IKZF2: variants seen among roughly 807,000 people sequenced by gnomAD.
The protein encoded by IKZF2 is zinc finger protein Helios.
In IKZF2, 15 loss-of-function variants were observed where a neutral mutation model predicts 49.2. That is an observed-to-expected ratio of 0.30 (90% CI 0.20 to 0.47). The LOEUF (loss-of-function observed/expected upper bound fraction) is 0.47, where lower values mean the gene tolerates loss of function less well. IKZF2 is among the 20% of genes least tolerant of loss of function. The pLI is 1.00. For synonymous variants in IKZF2, 227 were observed against 221.4 expected (o/e 1.03, Z -0.23); for missense variants, 567 against 664.6 (o/e 0.85, Z 1.61).
Position 213,077,732 on chromosome 2 carries a change from C to T in IKZF2, c.140-20633G>A, listed in dbSNP as rs187283061. ...CCTCCCAAGTAGCTGGGACTACAGG[C>T]GCCCGCCACCATGTCCGGCTAATTT... On this transcript the variant is annotated intron_variant, in intron 4 of 8. Transcript: ENST00000434687. Among the ~76,000 whole-genome samples the T allele has an allele frequency of 9.9e-3, 1,499 of 151,620 alleles. 25 individuals carry two copies. Among genetic ancestry groups the T allele is most frequent in the African/African-American group, 0.034 (1,423 of 41,348 alleles).
intron 6 of IKZF2, among the ~76,000 whole-genome samples, chr2:213,043,168 G>A (rs1699827913): frequency 7.1e-6 from 1 of 139,996 alleles, no homozygotes; most frequent in South Asian, 2.4e-4. Context: ...CAGGGATCAT[G>A]CAAGGTAAAT....
chr2:213,091,903 T>C (rs1191344589), intron 4 of IKZF2, among the ~76,000 whole-genome samples: 4 of 149,822 alleles, frequency 2.7e-5, no homozygotes, highest in African/African-American at 7.4e-5. Context: ...TGTGTGTGCG[T>C]GTGTGTGTGT....
At chr2:213,065,697 A>G (rs1012356242) in intron 4 of IKZF2, among the ~76,000 whole-genome samples, 3 of 152,102 alleles carry the variant, frequency 2.0e-5, no homozygotes, top group Non-Finnish European at 4.4e-5. Flanking sequence ...CTGAAGCTTA[A>G]AATCAGTGAA....
Position 213,002,304 on chromosome 2 carries a change from A to G in IKZF2, c.*5056T>C, listed in dbSNP as rs558234429. The G allele has an allele frequency of 6.6e-6, 1 of 151,692 alleles. No individual in the cohort carries two copies. Among genetic ancestry groups the G allele is most frequent in the Non-Finnish European group, 1.5e-5 (1 of 67,564 alleles). The allele number at this position is 151,692 out of a possible 1,614,324, so 9.4% of individuals were successfully genotyped here. On this transcript the variant is annotated 3_prime_UTR_variant, in exon 9 of 9. Coordinates refer to ENST00000434687, the MANE Select transcript of IKZF2 (RefSeq NM_001387220.1). The stretch of plus-strand genomic sequence containing the variant: ...GTTATGGGAGGAAAGCCCCATAAAC[A>G]GAATTATGAACTTATTCCTAAGAGT...
chr2:213,150,457 CT>C, intron 1 of IKZF2: 2 of 214,660 alleles, frequency 9.3e-6, no homozygotes, highest in South Asian at 6.7e-5. Context: ...GAACACCCCC[CT>C]CCTCCTCCTC....
intron 4 of IKZF2, among the ~76,000 whole-genome samples, chr2:213,061,024 T>G: frequency 6.6e-6 from 1 of 151,598 alleles, no homozygotes; most frequent in Admixed American, 6.6e-5. Flanking sequence ...TTCTTCTTTA[T>G]GCTTTCAAAA....
chr2:213,017,653 T>C (rs1398285534), intron 7 of IKZF2, among the ~76,000 whole-genome samples: 2 of 152,152 alleles, frequency 1.3e-5, no homozygotes, highest in African/African-American at 2.4e-5. Flanking sequence ...GTTGTTCACA[T>C]ATGTTGTTCT....
intron 4 of IKZF2, among the ~76,000 whole-genome samples, chr2:213,135,344 A>G (rs2060618526): frequency 6.6e-6 from 1 of 152,206 alleles, no homozygotes; most frequent in Admixed American, 6.5e-5. Context: ...ATGAATGAAT[A>G]TTACTCATAA....
chr2:213,142,220 G>A (rs1287101937), intron 4 of IKZF2, among the ~76,000 whole-genome samples: 2 of 151,860 alleles, frequency 1.3e-5, no homozygotes, highest in Non-Finnish European at 2.9e-5. Context: ...GGAATGTTGA[G>A]CGCCACCCCC....
At chr2:213,110,956 C>T (rs1332816712) in intron 4 of IKZF2, among the ~76,000 whole-genome samples, 1 of 151,914 alleles carries the variant, frequency 6.6e-6, no homozygotes, top group Non-Finnish European at 1.5e-5. Flanking sequence ...AATAATTTAA[C>T]CAAATTTCTA....
chr2:213,150,391 AG>A (rs2061240041), intron 1 of IKZF2, 144 bp from the exon 2 acceptor site: 1 of 303,240 alleles, frequency 3.3e-6, no homozygotes, highest in Admixed American at 4.1e-5. Flanking sequence ...GGTCATTCCA[AG>A]CCCAAATCCA....
chr2:213,109,309 T>C (rs1351028190), intron 4 of IKZF2, among the ~76,000 whole-genome samples: 1 of 151,968 alleles, frequency 6.6e-6, no homozygotes, highest in Non-Finnish European at 1.5e-5. Context: ...AATCAAATCT[T>C]ACAGGTAGTG....
At chr2:213,141,035 TA>T (rs1461607373) in intron 4 of IKZF2, among the ~76,000 whole-genome samples, 1 of 151,984 alleles carries the variant, frequency 6.6e-6, no homozygotes, top group Non-Finnish European at 1.5e-5. Flanking sequence ...TGAACTAAGC[TA>T]AATCTTTTCC....
chr2:213,058,689 C>T (rs867692350), intron 4 of IKZF2, among the ~76,000 whole-genome samples: 4 of 151,714 alleles, frequency 2.6e-5, no homozygotes, highest in Non-Finnish European at 5.9e-5. Context: ...CTTTATATTG[C>T]CAGCATGCTC....
intron 4 of IKZF2, among the ~76,000 whole-genome samples, chr2:213,077,772 T>C (rs1703441984): frequency 6.6e-6 from 1 of 151,994 alleles, no homozygotes; most frequent in Non-Finnish European, 1.5e-5. Flanking sequence ...GTATTTTTAG[T>C]AGAGACGGGG....
At chr2:213,079,276 G>A (rs1485817069) in intron 4 of IKZF2, among the ~76,000 whole-genome samples, 1 of 152,048 alleles carries the variant, frequency 6.6e-6, no homozygotes, top group African/African-American at 2.4e-5. Context: ...CTACTTGGGG[G>A]ACTGGGACAG....
chr2:213,124,640 A>G (rs2060197878), intron 4 of IKZF2, among the ~76,000 whole-genome samples: 1 of 152,246 alleles, frequency 6.6e-6, no homozygotes, highest in Non-Finnish European at 1.5e-5. Flanking sequence ...TCAGTTTCCC[A>G]TGTGTAGAAA....
At chr2:213,052,485 A>T (rs546796351) in intron 5 of IKZF2, among the ~76,000 whole-genome samples, 2 of 152,154 alleles carry the variant, frequency 1.3e-5, no homozygotes, top group East Asian at 3.9e-4. Flanking sequence ...TACTAATTTT[A>T]TGGCTTTCCT....
intron 4 of IKZF2, among the ~76,000 whole-genome samples, chr2:213,115,265 A>T (rs2059833599): frequency 7.6e-6 from 1 of 131,812 alleles, no homozygotes; most frequent in South Asian, 2.3e-4. Flanking sequence ...TGTCTTAAAT[A>T]TGAAACGATC....
Sources: gnomAD v4.1 joint callset for allele counts (sites outside exome capture counted in the v4.1 genomes callset) on GRCh38, gnomAD v4.1.1 for gene constraint, MANE v1.5 for transcripts, NCBI Gene and HGNC (gene_info 2026-07-23, HGNC 2026-07-21) for gene names.